Variants in COX7B2 observed in about 807,000 individuals in gnomAD.
The protein encoded by COX7B2 is cytochrome c oxidase subunit 7B2, mitochondrial.
For missense variants in COX7B2, 109 were observed against 95.9 expected (o/e 1.14, Z -0.57); for synonymous variants, 37 against 32.1 (o/e 1.15, Z -0.51).
chr4:46,874,957 A>G (rs898696205), intron 1 of COX7B2, among the ~76,000 whole-genome samples: 8 of 152,168 alleles, frequency 5.3e-5, no homozygotes, highest in Non-Finnish European at 1.2e-4. Flanking sequence ...ATTCTCTGAA[A>G]ATTACAGGCT....
In COX7B2 at chr4:46,790,409, T is replaced by C. The variant is rs556277863; in HGVS notation, c.-50+54551A>G. On this transcript the variant is annotated intron_variant, in intron 2 of 2. Transcript: ENST00000355591. The stretch of plus-strand genomic sequence containing the variant: ...TACATCAGTGCTTCATTTTGAATTA[T>C]ATGTTTTTGAGCAATAAGTCTGGTC... Among the ~76,000 whole-genome samples, 8 of 152,316 alleles carry C rather than the reference T, an allele frequency of 5.3e-5. No homozygotes were observed. The South Asian group carries it at 1.7e-3, about 32-fold the overall frequency.
intron 2 of COX7B2, among the ~76,000 whole-genome samples, chr4:46,812,474 G>A (rs921903395): frequency 1.3e-5 from 2 of 152,132 alleles, no homozygotes; most frequent in Admixed American, 6.6e-5. Context: ...GTGGGCTCCA[G>A]GGAATAAGGT....
chr4:46,818,355 C>T (rs868682379), intron 2 of COX7B2, among the ~76,000 whole-genome samples: 3 of 152,164 alleles, frequency 2.0e-5, no homozygotes, highest in African/African-American at 4.8e-5. Context: ...TACTGGAAGC[C>T]GGGCGCCGTG....
intron 1 of COX7B2, among the ~76,000 whole-genome samples, chr4:46,903,435 G>A (rs1321332582): frequency 6.6e-6 from 1 of 151,812 alleles, no homozygotes; most frequent in Admixed American, 6.6e-5. Flanking sequence ...AGTAGTCCTT[G>A]TAACATTGTA....
At chr4:46,905,814 C>CTTTTTTTTTTTTTTTTTT (rs761904309) in intron 1 of COX7B2, among the ~76,000 whole-genome samples, 1 of 71,686 alleles carries the variant, frequency 1.4e-5, no homozygotes, top group Non-Finnish European at 2.5e-5. Context: ...GCATATATTT[C>CTTTTTTTTTTTTTTTTTT]TTTTTTTTTT....
At chr4:46,794,043 C>T (rs1254152253) in intron 2 of COX7B2, among the ~76,000 whole-genome samples, 1 of 152,190 alleles carries the variant, frequency 6.6e-6, no homozygotes. Flanking sequence ...ATCCCACAGC[C>T]TCTCTTTGTT....
chr4:46,767,662 C>T (rs1180184763), intron 2 of COX7B2, among the ~76,000 whole-genome samples: 3 of 151,960 alleles, frequency 2.0e-5, no homozygotes, highest in Non-Finnish European at 2.9e-5. Context: ...TTTCCTATCA[C>T]AATGGTATAA....
chr4:46,848,102 CA>C lies in COX7B2; in HGVS notation c.-104-3089del, dbSNP rs537449932. Among the ~76,000 whole-genome samples the C allele has an allele frequency of 6.7e-4, 102 of 152,108 alleles. 1 individual carries two copies. Among genetic ancestry groups the C allele is most frequent in the African/African-American group, 2.3e-3 (96 of 41,530 alleles). On this transcript the variant is annotated intron_variant, in intron 1 of 2. Transcript: ENST00000355591. Reference sequence around the variant, plus strand: ...GGAGTGGGAGTCCTTGTAACCTAGCCAAGCTGTTCACTGCTAAGTAAATGAC... The same window carrying C: ...GGAGTGGGAGTCCTTGTAACCTAGCCAGCTGTTCACTGCTAAGTAAATGAC...
At chr4:46,904,408 G>A (rs1421636649) in intron 1 of COX7B2, among the ~76,000 whole-genome samples, 1 of 151,964 alleles carries the variant, frequency 6.6e-6, no homozygotes, top group African/African-American at 2.4e-5. Flanking sequence ...TCACTTCACA[G>A]AAGAAGAAAT....
chr4:46,820,302 T>A (rs527782277), intron 2 of COX7B2, among the ~76,000 whole-genome samples: 1 of 152,232 alleles, frequency 6.6e-6, no homozygotes, highest in South Asian at 2.1e-4. Context: ...CAACAGGGTT[T>A]CCGGTCCCAT....
intron 1 of COX7B2, among the ~76,000 whole-genome samples, chr4:46,888,610 AT>A (rs543794222): frequency 3.3e-5 from 5 of 151,500 alleles, no homozygotes; most frequent in Non-Finnish European, 5.9e-5. Context: ...TGCCTGGCTA[AT>A]TTTTTTGTAT....
intron 2 of COX7B2, among the ~76,000 whole-genome samples, chr4:46,799,594 T>C (rs1309214953): frequency 6.6e-6 from 1 of 152,218 alleles, no homozygotes; most frequent in Non-Finnish European, 1.5e-5. Context: ...AAAAGCCTCT[T>C]CTGTGTCTAT....
chr4:46,864,617 T>C lies in COX7B2; in HGVS notation c.-104-19603A>G, dbSNP rs1003751896. Among the ~76,000 whole-genome samples, 5 of 152,090 alleles carry C rather than the reference T, an allele frequency of 3.3e-5. No individual in the cohort carries two copies. In the South Asian group the frequency reaches 1.0e-3, roughly 32 times the overall value. ...TATTCTTATCAGGCCAGTCAGCCCA[T>C]TCCTAGAGTTGTTGGTCAGAGTTGT... On this transcript the variant is annotated intron_variant, in intron 1 of 2. Transcript: ENST00000355591.
rs201730248 is a variant in COX7B2, at chr4:46,822,380, TA to T, written c.-50+22579del. Among the ~76,000 whole-genome samples, 438 of 146,918 alleles carry T rather than the reference TA, an allele frequency of 3.0e-3. 3 individuals are homozygous for T. Among genetic ancestry groups the T allele is most frequent in the African/African-American group, 8.8e-3 (354 of 40,034 alleles). On this transcript the variant is annotated intron_variant, in intron 2 of 2. Coordinates refer to ENST00000355591, the MANE Select transcript of COX7B2 (RefSeq NM_130902.3). ...AAACTAGGAGAAAAACTTGAGGAGA[TA>T]AAAAAAAAAATAATATAGAGAGGAT...
At chr4:46,790,165 G>A (rs1305839633) in intron 2 of COX7B2, among the ~76,000 whole-genome samples, 1 of 152,144 alleles carries the variant, frequency 6.6e-6, no homozygotes, top group African/African-American at 2.4e-5. Context: ...AAAATCTGAA[G>A]CAGGAACAGA....
At chr4:46,869,955 T>C (rs1035574412) in intron 1 of COX7B2, among the ~76,000 whole-genome samples, 1 of 152,156 alleles carries the variant, frequency 6.6e-6, no homozygotes, top group Non-Finnish European at 1.5e-5. Context: ...ATGAACCATA[T>C]ACTGAAATAT....
At chr4:46,806,735 T>G (rs1719019614) in intron 2 of COX7B2, among the ~76,000 whole-genome samples, 1 of 152,096 alleles carries the variant, frequency 6.6e-6, no homozygotes, top group African/African-American at 2.4e-5. Flanking sequence ...TTTTTATCTC[T>G]GTGAATTGAG....
chr4:46,820,019 C>T (rs1271246417), intron 2 of COX7B2, among the ~76,000 whole-genome samples: 1 of 152,182 alleles, frequency 6.6e-6, no homozygotes, highest in Non-Finnish European at 1.5e-5. Context: ...TACCAGGAAC[C>T]GGTTTCGTGG....
chr4:46,845,854 G>A lies in COX7B2; in HGVS notation c.-104-840C>T, dbSNP rs529391997. Among the ~76,000 whole-genome samples, 21 of 152,060 alleles carry A rather than the reference G, an allele frequency of 1.4e-4. No individual in the cohort carries two copies. The East Asian group carries it at 3.9e-3, about 28-fold the overall frequency. On this transcript the variant is annotated intron_variant, in intron 1 of 2. Coordinates refer to ENST00000355591, the MANE Select transcript of COX7B2 (RefSeq NM_130902.3). The stretch of plus-strand genomic sequence containing the variant: ...GGCAACATTTGATGTAAAATAATCT[G>A]GCATATGGTTAAACTGCATGAGTAT...
Sources: gnomAD v4.1 joint callset for allele counts (sites outside exome capture counted in the v4.1 genomes callset) on GRCh38, gnomAD v4.1.1 for gene constraint, MANE v1.5 for transcripts, NCBI Gene and HGNC (gene_info 2026-07-23, HGNC 2026-07-21) for gene names.